C11orf65: variants seen among roughly 807,000 people sequenced by gnomAD.
C11orf65 encodes chromosome 11 open reading frame 65, also known as protein MFI.
In C11orf65, 38 loss-of-function variants were observed where a neutral mutation model predicts 35.3. The ratio of observed to expected loss-of-function variants is 1.08; its 90% CI spans 0.83 to 1.41. The LOEUF (loss-of-function observed/expected upper bound fraction) is 1.41, where lower values mean the gene tolerates loss of function less well. Ranked by LOEUF, C11orf65 falls within the 40% of genes most tolerant of loss-of-function variation. The probability of loss-of-function intolerance (pLI) is 0.00; values close to 1 mark genes in which losing one functional copy is unlikely to be tolerated. For synonymous variants in C11orf65, 105 were observed against 114.4 expected, an observed-to-expected ratio of 0.92 and a Z score of 0.53; for missense variants, 370 against 367.1, an observed-to-expected ratio of 1.01 and a Z score of -0.06.
At position 108,332,773 on chromosome 11, in the gene C11orf65, G is replaced by A. The variant is rs1591178097; in HGVS notation, c.300-1206C>T. 6.2e-7 allele frequency: 1 copy of A among 1,612,928 alleles called. No individual in the cohort carries two copies. The highest frequency in any genetic ancestry group is 8.5e-7 in the Non-Finnish European group (1 of 1,179,710). On this transcript the variant is annotated intron_variant, in intron 3 of 3. Transcript: ENST00000524755. ...TTTTTTATTAATAGGATCGAACAGA[G>A]GCTGCAAATAGAATAATATGTACTA... is the stretch of plus-strand genomic sequence containing the variant.
intron 3 of C11orf65, among the ~76,000 whole-genome samples, chr11:108,427,119 C>T (rs1444334621): frequency 6.6e-6 from 1 of 151,920 alleles, no homozygotes; most frequent in Non-Finnish European, 1.5e-5. Flanking sequence ...CATTCAGGAC[C>T]TAGGCATGGG....
intron 2 of C11orf65, among the ~76,000 whole-genome samples, chr11:108,357,961 C>T (rs1179581274): frequency 4.0e-5 from 6 of 149,848 alleles, no homozygotes; most frequent in Non-Finnish European, 7.4e-5. Context: ...CTTTGACGAG[C>T]TGAGAGAAGA....
At chr11:108,319,545 CCT>C (rs772088635) in intron 6 of C11orf65, among the ~76,000 whole-genome samples, 2 of 152,172 alleles carry the variant, frequency 1.3e-5, no homozygotes, top group African/African-American at 4.8e-5. Flanking sequence ...GTTTTGTTAC[CCT>C]GTTTTAATTC....
chr11:108,329,075 G>A (rs2136413410), downstream of C11orf65: 1 of 1,613,964 alleles, frequency 6.2e-7, no homozygotes, highest in South Asian at 1.1e-5. Flanking sequence ...GCTAAGAAAT[G>A]GAAAAATGAA....
At chr11:108,374,201 CCCCTG>C (rs2091652177) in intron 2 of C11orf65, among the ~76,000 whole-genome samples, 1 of 47,452 alleles carries the variant, frequency 2.1e-5, no homozygotes, top group Non-Finnish European at 7.8e-5. Context: ...AGGTCCCTGA[CCCCTG>C]ACCCCTGAGC....
intron 3 of C11orf65, among the ~76,000 whole-genome samples, chr11:108,407,717 G>T (rs1239082092): frequency 1.3e-5 from 2 of 151,252 alleles, no homozygotes; most frequent in Non-Finnish European, 3.0e-5. Flanking sequence ...GGCCGAGGTG[G>T]GTGGATAATG....
intron 6 of C11orf65, among the ~76,000 whole-genome samples, chr11:108,318,967 G>C (rs2084986459): frequency 6.6e-6 from 1 of 152,044 alleles, no homozygotes. Context: ...CATGAGGTTA[G>C]GAATTCAAGA....
chr11:108,432,861 G>A (rs1281173743), intron 2 of C11orf65, among the ~76,000 whole-genome samples: 1 of 152,066 alleles, frequency 6.6e-6, no homozygotes, highest in African/African-American at 2.4e-5. Flanking sequence ...CTAAATAGGT[G>A]GTTACTATAT....
At chr11:108,387,255 A>C (rs1290052011) in intron 7 of C11orf65, among the ~76,000 whole-genome samples, 1 of 144,192 alleles carries the variant, frequency 6.9e-6, no homozygotes, top group Non-Finnish European at 1.5e-5. Context: ...CCTGGGTTCA[A>C]GAGATTCTCC....
At chr11:108,330,997 T>G (rs748689234), downstream of C11orf65, among the ~76,000 whole-genome samples, 3 of 152,196 alleles carry the variant, frequency 2.0e-5, no homozygotes, top group Non-Finnish European at 4.4e-5. Context: ...GATAAAATGT[T>G]TCTCCTGCAG....
intron 2 of C11orf65, among the ~76,000 whole-genome samples, chr11:108,350,930 C>T (rs1490867756): frequency 1.3e-5 from 2 of 152,200 alleles, no homozygotes; most frequent in Admixed American, 6.5e-5. Flanking sequence ...ATCAATTCCA[C>T]TCCAACACAA....
At chr11:108,380,445 T>G (rs902467645), downstream of C11orf65, among the ~76,000 whole-genome samples, 2 of 152,202 alleles carry the variant, frequency 1.3e-5, no homozygotes, top group African/African-American at 4.8e-5. Context: ...ACAATTGACT[T>G]ATAAGGTGTG....
chr11:108,319,702 T>C lies in C11orf65; in HGVS notation c.641-10631A>G, dbSNP rs150757527. On this transcript the variant is annotated intron_variant, in intron 6 of 6. Transcript: ENST00000525729. Reference sequence around the variant, plus strand: ...CCTAGTGCCTGGCACATAATAGGTATTTATTGAATAAATAAATGAAAGTAG... The same window carrying C: ...CCTAGTGCCTGGCACATAATAGGTACTTATTGAATAAATAAATGAAAGTAG... Among the ~76,000 whole-genome samples the C allele has an allele frequency of 8.3e-3, 1,260 of 152,356 alleles. 7 individuals are homozygous for C. Among genetic ancestry groups the C allele is most frequent in the Non-Finnish European group, 0.013 (918 of 68,034 alleles).
Position 108,316,012 on chromosome 11 carries a change from C to T in C11orf65, c.641-6941G>A, listed in dbSNP as rs769813736. On this transcript the variant is annotated intron_variant, in intron 6 of 6. Coordinates refer to the C11orf65 transcript ENST00000525729. The stretch of plus-strand genomic sequence containing the variant: ...TATTTTCACAATCTTTTCTTATAGA[C>T]TACGAACATATGAACACGAAGCAAT... 6.2e-6 allele frequency: 10 copies of T among 1,613,874 alleles called. No homozygotes were observed. Among genetic ancestry groups the T allele is most frequent in the African/African-American group, 1.3e-5 (1 of 74,900 alleles).
intron 3 of C11orf65, among the ~76,000 whole-genome samples, chr11:108,410,521 T>C (rs2092635092): frequency 6.6e-6 from 1 of 152,012 alleles, no homozygotes; most frequent in Admixed American, 6.6e-5. Flanking sequence ...GACAGGCTAA[T>C]TTTTTTAATT....
chr11:108,340,076 CAT>C (rs1473604881), intron 2 of C11orf65: 2 of 152,266 alleles, frequency 1.3e-5, no homozygotes, highest in Admixed American at 1.3e-4. Context: ...ACATAATAAA[CAT>C]AATTATAATG....
At chr11:108,463,549 G>T (rs779912238) in intron 1 of C11orf65, among the ~76,000 whole-genome samples, 40 of 152,264 alleles carry the variant, frequency 2.6e-4, no homozygotes, top group Non-Finnish European at 5.6e-4. Context: ...AGGCAAGATA[G>T]ACCAGGGTTT....
At chr11:108,419,235 T>G (rs1242983263) in intron 3 of C11orf65, among the ~76,000 whole-genome samples, 1 of 152,200 alleles carries the variant, frequency 6.6e-6, no homozygotes, top group African/African-American at 2.4e-5. Context: ...ATTAGCAAAC[T>G]AAATTCAGTG....
intron 8 of C11orf65, among the ~76,000 whole-genome samples, chr11:108,385,433 A>G (rs1439015770): frequency 6.6e-6 from 1 of 152,048 alleles, no homozygotes; most frequent in Non-Finnish European, 1.5e-5. Flanking sequence ...CTGTAATCCC[A>G]GCACTTTGGG....
Sources: gnomAD v4.1 joint callset for allele counts (sites outside exome capture counted in the v4.1 genomes callset) on GRCh38, gnomAD v4.1.1 for gene constraint, MANE v1.5 for transcripts, NCBI Gene and HGNC (gene_info 2026-07-23, HGNC 2026-07-21) for gene names.